Variants in DOK2 observed in about 807,000 individuals in gnomAD.
DOK2 encodes the protein docking protein 2.
Under a neutral mutation model 26.0 loss-of-function variants are expected in DOK2, and 28 were observed. That is an observed-to-expected ratio of 1.08 (90% confidence interval 0.80 to 1.48). The LOEUF (loss-of-function observed/expected upper bound fraction) is 1.48. Among genes scored for constraint, DOK2 ranks in the 40% most tolerant of loss-of-function variants. The pLI is 0.00. For missense variants in DOK2, 682 were observed against 558.2 expected (o/e 1.22, Z -2.23); for synonymous variants, 282 against 236.9 (o/e 1.19, Z -1.75).
Position 21,909,895 on chromosome 8 carries a change from A to G in DOK2, c.655T>C (p.Ser219Pro), listed in dbSNP as rs1025105421. The G allele has an allele frequency of 6.2e-7, 1 of 1,612,654 alleles. No individual in the cohort carries two copies. The highest frequency in any genetic ancestry group is 1.1e-5 in the South Asian group (1 of 91,062). The change falls in exon 5 of 5, where the codon TCT becomes CCT. Residue 219 changes from serine to proline, a missense_variant. Ser to Pro is a moderately conservative substitution (Grantham distance 74, BLOSUM62 -1). Coordinates refer to ENST00000276420, the MANE Select transcript of DOK2 (RefSeq NM_003974.4). ...FSFEAGRRCV[S>P]GEGNFEFETR... ...TCGAACTCAAAGTTGCCCTCTCCAG[A>G]GACGCAGCGACGGCCTGCCTCAAAG... is the stretch of plus-strand genomic sequence containing the variant.
At chr8:21,910,965 T>C (rs1293186015) in intron 3 of DOK2, 108 bp from the exon 4 acceptor site, 1 of 1,258,792 alleles carries the variant, frequency 7.9e-7, no homozygotes, top group Non-Finnish European at 1.1e-6. Flanking sequence ...CTAGAAAGTA[T>C]TATCCACACA....
At position 21,909,079 on chromosome 8, in the gene DOK2, G is replaced by GA. The variant is rs1392885864; in HGVS notation, c.*231dup. 1 of 447,274 alleles carries GA rather than the reference G, an allele frequency of 2.2e-6. No individual in the cohort carries two copies. Among genetic ancestry groups the GA allele is most frequent in the Non-Finnish European group, 4.0e-6 (1 of 252,786 alleles). The allele number at this position is 447,274 out of a possible 1,614,324, so 27.7% of individuals were successfully genotyped here. A position where few individuals can be genotyped will look rare whatever the true frequency, so the allele number is the denominator to read the frequency against. On this transcript the variant is annotated 3_prime_UTR_variant, in exon 5 of 5. Transcript: ENST00000276420. ...GTTCCTCCTCAGCTGGGGAAAGAAAGAGGAGGAAGTGGAAAAAGAGTAGGA... is the reference window on the plus strand; with the variant it reads ...GTTCCTCCTCAGCTGGGGAAAGAAAGAAGGAGGAAGTGGAAAAAGAGTAGGA...
In DOK2 at chr8:21,909,662, C is replaced by G; in HGVS notation, c.888G>C (p.Glu296Asp). 2 of 1,613,070 alleles carry G rather than the reference C, an allele frequency of 1.2e-6. No individual in the cohort carries two copies. The highest frequency in any genetic ancestry group is 2.2e-5 in the East Asian group (1 of 44,884). Residue 296 changes from glutamate (E) to aspartate (D), a missense_variant, in exon 5 of 5, where the codon GAG becomes GAC. Coordinates refer to ENST00000276420, the MANE Select transcript of DOK2 (RefSeq NM_003974.4). The stretch of plus-strand genomic sequence containing the variant: ...CATCGAAGGGCACGGCATACTCCCC[C>G]TCCTGGCCCCGAGGCCGTGGAGCAG... ...PVPAPRPRGQ[E>D]GEYAVPFDAV...
chr8:21,912,278 G>C lies in DOK2; in HGVS notation c.296C>G (p.Ala99Gly). 1 of 1,586,936 alleles carries C rather than the reference G, an allele frequency of 6.3e-7. No homozygotes were observed. Among genetic ancestry groups the C allele is most frequent in the South Asian group, 1.1e-5 (1 of 87,580 alleles). Residue 99 changes from alanine (A) to glycine (G), a missense_variant, in exon 2 of 5, where the codon GCA (alanine) becomes GGA (glycine). Coordinates refer to ENST00000276420, the MANE Select transcript of DOK2 (RefSeq NM_003974.4). ...KERLYLLAAP[A>G]AERGDWVQAI... ...CTGCACCCAGTCGCCGCGCTCCGCT[G>C]CAGGGGCCGCCAGGAGGTACAGGCG...
intron 1 of DOK2, among the ~76,000 whole-genome samples, chr8:21,912,991 G>T (rs1809917213): frequency 6.6e-6 from 1 of 152,196 alleles, no homozygotes; most frequent in Non-Finnish European, 1.5e-5. Flanking sequence ...TTCCTTGATA[G>T]GTTGGGCCAT....
intron 3 of DOK2, among the ~76,000 whole-genome samples, chr8:21,911,641 C>A (rs1056380394): frequency 1.3e-5 from 2 of 152,010 alleles, no homozygotes; most frequent in South Asian, 4.1e-4. Flanking sequence ...CTCACCTGGG[C>A]CCCCAGCCTT....
intron 3 of DOK2, among the ~76,000 whole-genome samples, 156 bp downstream of exon 3, chr8:21,911,741 CGGAA>C (rs1325954824): frequency 6.6e-6 from 1 of 152,134 alleles, no homozygotes. Flanking sequence ...GGGCTGCACC[CGGAA>C]GCGAGAAGGA....
In DOK2 at chr8:21,909,396, T is replaced by C; in HGVS notation, c.1154A>G (p.Gln385Arg). 6.2e-7 allele frequency: 1 copy of C among 1,603,630 alleles called. No homozygotes were observed. Among genetic ancestry groups the C allele is most frequent in the Non-Finnish European group, 8.5e-7 (1 of 1,174,206 alleles). ...DRDPAGLQHV[Q>R]PAGQDFSASG... Reference sequence around the variant, plus strand: ...AGCAGAGAAATCCTGCCCGGCTGGCTGGACATGCTGGAGGCCAGCAGGGTC... The same window carrying C: ...AGCAGAGAAATCCTGCCCGGCTGGCCGGACATGCTGGAGGCCAGCAGGGTC... Residue 385 changes from glutamine (Q) to arginine (R), a missense_variant, in exon 5 of 5, where the codon CAG (glutamine) becomes CGG (arginine). Gln to Arg is a conservative substitution (Grantham distance 43). Transcript: ENST00000276420.
rs1351942055 is a variant in DOK2, at chr8:21,912,252, C to CAG, written c.321_322insCT (p.Ala108LeufsTer47). 1.3e-6 allele frequency: 2 copies of CAG among 1,569,236 alleles called. No individual in the cohort carries two copies. Among genetic ancestry groups the CAG allele is most frequent in the Admixed American group, 3.6e-5 (2 of 54,978 alleles). On this transcript the variant is annotated frameshift_variant, in exon 2 of 5. Coordinates refer to ENST00000276420, the MANE Select transcript of DOK2 (RefSeq NM_003974.4). LOFTEE classifies it high-confidence loss of function. The stretch of plus-strand genomic sequence containing the variant: ...ACGGGGAAGGCCAGGAGGCAGATGG[C>CAG]CTGCACCCAGTCGCCGCGCTCCGCT...
Position 21,910,813 on chromosome 8 carries a change from C to T in DOK2, c.478G>A (p.Ala160Thr), listed in dbSNP as rs979335869. ...CCCCGCAGGTGGCACCTCTCACTGG[C>T]TTCTGTAGGTCTCATGGTCACAGCA... Reference protein sequence around the residue: ...EFAVTMRPTEASERCHLRGSY... With the variant: ...EFAVTMRPTETSERCHLRGSY... The change falls in exon 4 of 5, where the codon GCC (alanine) becomes ACC (threonine). Residue 160 changes from alanine (A) to threonine (T), a missense_variant. Coordinates refer to ENST00000276420, the MANE Select transcript of DOK2 (RefSeq NM_003974.4). 12 of 1,613,620 alleles carry T rather than the reference C, an allele frequency of 7.4e-6. 1 individual carries two copies. In the Admixed American group the frequency reaches 8.3e-5, roughly 11 times the overall value.
intron 1 of DOK2, 65 bp from the exon 2 acceptor site, chr8:21,912,575 C>A: frequency 7.0e-7 from 1 of 1,437,584 alleles, no homozygotes; most frequent in Non-Finnish European, 9.1e-7. Flanking sequence ...GATCGTGAGC[C>A]AAGGGGAGAA....
Position 21,909,177 on chromosome 8 carries a change from A to G in DOK2, c.*134T>C, listed in dbSNP as rs1809711697. The stretch of plus-strand genomic sequence containing the variant: ...TCACCCAGCAGGCCCTGGGAGAGGC[A>G]ATTTATCAGCCCCAACGAAGACAGG... On this transcript the variant is annotated 3_prime_UTR_variant, in exon 5 of 5. Transcript: ENST00000276420. The G allele has an allele frequency of 8.6e-7, 1 of 1,163,660 alleles. No individual in the cohort carries two copies. The highest frequency in any genetic ancestry group is 1.2e-6 in the Non-Finnish European group (1 of 830,632). The allele number at this position is 1,163,660 out of a possible 1,614,324, so 72.1% of individuals were successfully genotyped here. A position where few individuals can be genotyped will look rare whatever the true frequency, so the allele number is the denominator to read the frequency against.
At chr8:21,913,112 C>A (rs1809921472) in intron 1 of DOK2, among the ~76,000 whole-genome samples, 1 of 152,112 alleles carries the variant, frequency 6.6e-6, no homozygotes, top group Admixed American at 6.5e-5. Flanking sequence ...GTCCAGGCCC[C>A]CAGAGGCCCC....
intron 3 of DOK2, chr8:21,911,068 T>C: frequency 1.7e-6 from 1 of 591,462 alleles, no homozygotes; most frequent in Non-Finnish European, 3.0e-6. Context: ...CCTACCCTAG[T>C]AGGCATCACG....
chr8:21,912,699 A>G, intron 1 of DOK2, 189 bp from the exon 2 acceptor site: 1 of 609,290 alleles, frequency 1.6e-6, no homozygotes, highest in Non-Finnish European at 2.8e-6. Context: ...GGAATTAGAA[A>G]ATCGGAGATC....
chr8:21,909,713 C>G lies in DOK2; in HGVS notation c.837G>C (p.Pro279=). The change falls in exon 5 of 5, where the codon CCG becomes CCC. Residue 279 remains proline (P), a synonymous_variant. Transcript: ENST00000276420. The part of the protein sequence containing the change: ...SPYSRPHDSL[P]PPSPTTPVPA... ...GCACCGGTGTGGTGGGTGAAGGCGGCGGCAGTGAGTCATGCGGCCGAGAGT... is the reference window on the plus strand; with the variant it reads ...GCACCGGTGTGGTGGGTGAAGGCGGGGGCAGTGAGTCATGCGGCCGAGAGT... 6.2e-7 allele frequency: 1 copy of G among 1,613,224 alleles called. No individual in the cohort carries two copies. The highest frequency in any genetic ancestry group is 1.1e-5 in the South Asian group (1 of 91,078).
In DOK2 at chr8:21,909,727, G is replaced by A. The variant is rs1809754806; in HGVS notation, c.823C>T (p.His275Tyr). ...GGTGAAGGCGGCGGCAGTGAGTCAT[G>A]CGGCCGAGAGTAGGGGCTATCAGGC... The part of the protein sequence containing the change: ...PRPDSPYSRP[H>Y]DSLPPPSPTT... Residue 275 changes from histidine (H) to tyrosine (Y), a missense_variant, in exon 5 of 5, where the codon CAT becomes TAT. Physicochemically the swap from His to Tyr is moderately conservative, Grantham distance 83. Transcript: ENST00000276420. The A allele has an allele frequency of 1.2e-6, 2 of 1,613,462 alleles. No individual in the cohort carries two copies. The highest frequency in any genetic ancestry group is 2.7e-5 in the African/African-American group (2 of 74,946).
chr8:21,910,467 G>A (rs1809796730), intron 4 of DOK2, among the ~76,000 whole-genome samples: 1 of 152,086 alleles, frequency 6.6e-6, no homozygotes, highest in Non-Finnish European at 1.5e-5. Context: ...CTAGGCACTA[G>A]TTCAGACGCT....
At chr8:21,912,030 C>G (rs762123090) in intron 2 of DOK2, 42 bp from the exon 3 acceptor site, 2 of 1,534,510 alleles carry the variant, frequency 1.3e-6, no homozygotes, top group South Asian at 2.4e-5. Flanking sequence ...CCCCGATCCC[C>G]AGGCCCCCCT....
Sources: allele counts gnomAD v4.1 joint callset (sites outside exome capture counted in the v4.1 genomes callset), GRCh38; gene constraint gnomAD v4.1.1; transcripts MANE v1.5; gene names NCBI Gene and HGNC (gene_info 2026-07-23, HGNC 2026-07-21).